The following IGF2BP2 variants were observed in gnomAD, a reference collection of about 807,000 sequenced individuals.
IGF2BP2 encodes the protein insulin-like growth factor 2 mRNA-binding protein 2.
Under a neutral mutation model 75.8 loss-of-function variants are expected in IGF2BP2, and 17 were observed. That is an observed-to-expected ratio of 0.22 (90% CI 0.15 to 0.34). The LOEUF (loss-of-function observed/expected upper bound fraction) is 0.34, where lower values mean the gene tolerates loss of function less well. IGF2BP2 is among the 10% of genes least tolerant of loss of function. IGF2BP2 has a pLI of 1.00. For synonymous variants in IGF2BP2, 288 were observed against 295.6 expected (o/e 0.97, Z 0.26); for missense variants, 516 against 772.4 (o/e 0.67, Z 3.93).
intron 13 of IGF2BP2, among the ~76,000 whole-genome samples, chr3:185,651,448 T>A (rs1714587552): frequency 6.6e-6 from 1 of 152,168 alleles, no homozygotes. Flanking sequence ...GCTCAAGGGA[T>A]CCTCCTGCCT....
At chr3:185,736,952 A>G (rs1728935617) in intron 2 of IGF2BP2, among the ~76,000 whole-genome samples, 1 of 152,242 alleles carries the variant, frequency 6.6e-6, no homozygotes, top group Non-Finnish European at 1.5e-5. Flanking sequence ...TCTAGGCAGA[A>G]TAACTTAGTC....
In IGF2BP2 at chr3:185,732,600, C is replaced by T. The variant is rs149318581; in HGVS notation, c.240-34253G>A. On this transcript the variant is annotated intron_variant, in intron 2 of 15. Coordinates refer to ENST00000382199, the MANE Select transcript of IGF2BP2 (RefSeq NM_006548.6). ...ACTACAAGGACCCTCCCTAGGGAGACGGCTGGCCTCCTTCTGCAAGACCCA... is the reference window on the plus strand; with the variant it reads ...ACTACAAGGACCCTCCCTAGGGAGATGGCTGGCCTCCTTCTGCAAGACCCA... Among the ~76,000 whole-genome samples, 377 of 152,264 alleles carry T rather than the reference C, an allele frequency of 2.5e-3. 1 individual carries two copies. The highest frequency in any genetic ancestry group is 8.4e-3 in the African/African-American group (351 of 41,550).
At chr3:185,722,122 G>A (rs2149472909) in intron 2 of IGF2BP2, 3 of 330,078 alleles carry the variant, frequency 9.1e-6, no homozygotes, top group Non-Finnish European at 1.2e-5. Context: ...TTTGTAGAGA[G>A]AGTGTCTCAC....
At chr3:185,749,907 A>C (rs1397456353) in intron 2 of IGF2BP2, among the ~76,000 whole-genome samples, 1 of 152,202 alleles carries the variant, frequency 6.6e-6, no homozygotes, top group Non-Finnish European at 1.5e-5. Flanking sequence ...ACAAAAATTA[A>C]AAGTACACCA....
intron 2 of IGF2BP2, among the ~76,000 whole-genome samples, chr3:185,732,889 A>G (rs1728377087): frequency 6.6e-6 from 1 of 152,192 alleles, no homozygotes; most frequent in African/African-American, 2.4e-5. Flanking sequence ...TACGTTTTGA[A>G]AAATGTTCAC....
intron 2 of IGF2BP2, chr3:185,728,907 T>C (rs1247913598): frequency 6.6e-6 from 1 of 152,196 alleles, no homozygotes; most frequent in African/African-American, 2.4e-5. Context: ...AAGATGTTAT[T>C]TGCCTTGTTT....
intron 2 of IGF2BP2, chr3:185,814,147 C>T (rs1040516927): frequency 2.0e-5 from 3 of 152,234 alleles, no homozygotes; most frequent in African/African-American, 7.2e-5. Flanking sequence ...ATGGTTTAGT[C>T]ACCTACACTT....
intron 2 of IGF2BP2, among the ~76,000 whole-genome samples, chr3:185,778,124 TATTCATTC>T (rs1434781391): frequency 6.6e-6 from 1 of 152,190 alleles, no homozygotes; most frequent in African/African-American, 2.4e-5. Flanking sequence ...CAGTAATTTA[TATTCATTC>T]ATTCATTCAT....
rs532467652 is a variant in IGF2BP2, at chr3:185,684,050, T to A, written c.812+3007A>T. Among the ~76,000 whole-genome samples the A allele has an allele frequency of 2.0e-5, 3 of 152,294 alleles. No homozygotes were observed. In the East Asian group the frequency reaches 5.8e-4, roughly 29 times the overall value. On this transcript the variant is annotated intron_variant, in intron 7 of 15. Transcript: ENST00000382199. ...AGACCAAAAGCATCTAACAGATGCATTACTACTGCCTCAAAATAAAGAGGG... is the reference window on the plus strand; with the variant it reads ...AGACCAAAAGCATCTAACAGATGCAATACTACTGCCTCAAAATAAAGAGGG...
chr3:185,754,783 T>C (rs1053491834), intron 2 of IGF2BP2, among the ~76,000 whole-genome samples: 1 of 152,096 alleles, frequency 6.6e-6, no homozygotes, highest in Non-Finnish European at 1.5e-5. Context: ...TAGGGATACG[T>C]GGAAGTTTGA....
intron 12 of IGF2BP2, among the ~76,000 whole-genome samples, chr3:185,654,362 C>A (rs1194975740): frequency 6.6e-6 from 1 of 152,218 alleles, no homozygotes; most frequent in African/African-American, 2.4e-5. Context: ...ACTTTGAGAT[C>A]CATACCTGGC....
chr3:185,800,741 A>AGAAAGAAAGAAAGAAC (rs1553893969), intron 2 of IGF2BP2, among the ~76,000 whole-genome samples: 4 of 151,608 alleles, frequency 2.6e-5, no homozygotes, highest in African/African-American at 9.7e-5. Context: ...AAAGAAAGAA[A>AGAAAGAAAGAAAGAAC]GTACTTGCTG....
intron 7 of IGF2BP2, among the ~76,000 whole-genome samples, chr3:185,678,830 A>G (rs938233134): frequency 6.6e-6 from 1 of 152,180 alleles, no homozygotes; most frequent in African/African-American, 2.4e-5. Flanking sequence ...ACATATTTAT[A>G]ATTGTTGTAT....
intron 5 of IGF2BP2, among the ~76,000 whole-genome samples, chr3:185,691,874 A>G (rs924145025): frequency 3.2e-4 from 49 of 152,144 alleles, no homozygotes; most frequent in African/African-American, 1.2e-3. Context: ...AGCTGGAACT[A>G]CAGGTGCAAG....
intron 15 of IGF2BP2, chr3:185,646,752 G>A (rs1043195988): frequency 6.6e-6 from 3 of 453,638 alleles, no homozygotes; most frequent in African/African-American, 4.0e-5. Context: ...ACTGCAGGGG[G>A]CTTGGAACCA....
At chr3:185,665,010 G>C (rs1307177565) in intron 10 of IGF2BP2, among the ~76,000 whole-genome samples, 1 of 151,788 alleles carries the variant, frequency 6.6e-6, no homozygotes, top group East Asian at 1.9e-4. Flanking sequence ...ATACCGGGGG[G>C]GAAAAACAGA....
At chr3:185,684,971 T>C (rs758077631) in intron 7 of IGF2BP2, among the ~76,000 whole-genome samples, 1 of 152,144 alleles carries the variant, frequency 6.6e-6, no homozygotes, top group African/African-American at 2.4e-5. Flanking sequence ...TGGCTCTACA[T>C]GAAAACATAA....
chr3:185,675,271 G>A (rs370866823), intron 9 of IGF2BP2, 25 bp downstream of exon 9: 57 of 1,594,610 alleles, frequency 3.6e-5, no homozygotes, highest in African/African-American at 1.1e-4. Context: ...GAAAACCAGC[G>A]GAGAAGAAAG....
At chr3:185,719,845 G>GAAGGAAGGA (rs569616695) in intron 2 of IGF2BP2, among the ~76,000 whole-genome samples, 7 of 152,032 alleles carry the variant, frequency 4.6e-5, no homozygotes, top group African/African-American at 1.7e-4. Flanking sequence ...AAAAAGAAAG[G>GAAGGAAGGA]AAGGAAGGAA....
Sources: allele counts gnomAD v4.1 joint callset (sites outside exome capture counted in the v4.1 genomes callset), GRCh38; gene constraint gnomAD v4.1.1; transcripts MANE v1.5; gene names NCBI Gene and HGNC (gene_info 2026-07-23, HGNC 2026-07-21).